Variants in CA2 observed in about 807,000 individuals in gnomAD.
The protein encoded by CA2 is carbonic anhydrase 2, also known as carbonate dehydratase II.
In CA2, 23 loss-of-function variants were observed where a neutral mutation model predicts 27.8. The observed-to-expected ratio is 0.83, with a 90% CI of 0.59 to 1.17. The LOEUF is 1.17. CA2 is among the 50% of genes most tolerant of loss of function. The pLI, the probability that CA2 is intolerant of heterozygous loss-of-function variation, is 0.00. For synonymous variants in CA2, 99 were observed against 114.9 expected (o/e 0.86, Z 0.88); for missense variants, 300 against 314.7 (o/e 0.95, Z 0.35).
chr8:85,479,915 C>G (rs566078936), intron 6 of CA2, among the ~76,000 whole-genome samples: 35 of 152,260 alleles, frequency 2.3e-4, no homozygotes, highest in African/African-American at 8.4e-4. Flanking sequence ...TCACTCAGCC[C>G]ATGGAGCTTA....
At chr8:85,478,550 C>T (rs185056442) in intron 6 of CA2, among the ~76,000 whole-genome samples, 1 of 152,188 alleles carries the variant, frequency 6.6e-6, no homozygotes, top group Admixed American at 6.6e-5. Context: ...GCCATTATAA[C>T]AAATGGATTT....
intron 5 of CA2, among the ~76,000 whole-genome samples, chr8:85,476,087 C>T (rs753335131): frequency 1.3e-5 from 2 of 152,130 alleles, no homozygotes; most frequent in Non-Finnish European, 2.9e-5. Flanking sequence ...ATCTTGCTCC[C>T]CCATCATTTG....
chr8:85,477,399 T>G, intron 6 of CA2, 124 bp downstream of exon 6: 1 of 1,107,138 alleles, frequency 9.0e-7, no homozygotes, highest in South Asian at 1.2e-5. Context: ...GCTATGGAAA[T>G]AGTGCCTTTG....
chr8:85,474,283 T>C (rs757529787), intron 3 of CA2, 41 bp from the exon 4 acceptor site: 8 of 1,374,486 alleles, frequency 5.8e-6, no homozygotes, highest in Admixed American at 1.7e-5. Context: ...CAGCTTTGAT[T>C]ATGTAAATCA....
At chr8:85,469,448 A>G (rs1811682741) in intron 2 of CA2, among the ~76,000 whole-genome samples, 1 of 152,190 alleles carries the variant, frequency 6.6e-6, no homozygotes, top group South Asian at 2.1e-4. Context: ...GGATTTAACT[A>G]GAAACTTGGG....
chr8:85,480,298 G>A (rs1357030095), intron 6 of CA2, among the ~76,000 whole-genome samples: 8 of 152,082 alleles, frequency 5.3e-5, no homozygotes, highest in African/African-American at 1.7e-4. Flanking sequence ...TTGCTCTGTC[G>A]CCTAGGCTGG....
chr8:85,479,439 C>T (rs1275726042), intron 6 of CA2, among the ~76,000 whole-genome samples: 1 of 152,172 alleles, frequency 6.6e-6, no homozygotes, highest in African/African-American at 2.4e-5. Context: ...TGGAAGGTGG[C>T]TCTACGGGGG....
intron 1 of CA2, chr8:85,464,953 G>A (rs1811602784): frequency 6.7e-6 from 2 of 297,046 alleles, no homozygotes; most frequent in East Asian, 1.6e-4. Context: ...ATTAGTGTCT[G>A]CCCGATTTCA....
At chr8:85,472,834 T>C (rs967910750) in intron 2 of CA2, among the ~76,000 whole-genome samples, 2 of 151,482 alleles carry the variant, frequency 1.3e-5, no homozygotes, top group African/African-American at 2.4e-5. Flanking sequence ...CTACTAAAAA[T>C]ACAAAAATTA....
chr8:85,471,479 T>G (rs1811712190), intron 2 of CA2, among the ~76,000 whole-genome samples: 1 of 152,052 alleles, frequency 6.6e-6, no homozygotes, highest in Non-Finnish European at 1.5e-5. Flanking sequence ...AGAAACAAAT[T>G]AAGATGAAAC....
intron 6 of CA2, among the ~76,000 whole-genome samples, chr8:85,480,356 T>A (rs1811869127): frequency 6.6e-6 from 1 of 152,124 alleles, no homozygotes; most frequent in Non-Finnish European, 1.5e-5. Flanking sequence ...CCTCCAGGGT[T>A]TAAATGATTC....
At chr8:85,465,093 A>G (rs944373309) in intron 1 of CA2, among the ~76,000 whole-genome samples, 179 bp from the exon 2 acceptor site, 3 of 152,204 alleles carry the variant, frequency 2.0e-5, no homozygotes, top group African/African-American at 7.2e-5. Context: ...TAATTATCCC[A>G]TATTACAAAT....
At chr8:85,478,331 T>TA (rs1316046614) in intron 6 of CA2, among the ~76,000 whole-genome samples, 1 of 152,330 alleles carries the variant, frequency 6.6e-6, no homozygotes, top group East Asian at 1.9e-4. Flanking sequence ...AAAGTGGGCC[T>TA]AAAAAATAGC....
chr8:85,468,277 G>C lies in CA2; in HGVS notation c.232+2808G>C, dbSNP rs186955695. Among the ~76,000 whole-genome samples, 18 of 152,014 alleles carry C rather than the reference G, an allele frequency of 1.2e-4. No homozygotes were observed. The East Asian group carries it at 3.5e-3, about 29-fold the overall frequency. ...TTAAGAGAGCACAGCATGTGCTCCAGAAAGGCAAGAAGGTATACTAAAAGC... is the reference window on the plus strand; with the variant it reads ...TTAAGAGAGCACAGCATGTGCTCCACAAAGGCAAGAAGGTATACTAAAAGC... On this transcript the variant is annotated intron_variant, in intron 2 of 6. Transcript: ENST00000285379.
chr8:85,480,014 T>A (rs1811863313), intron 6 of CA2, among the ~76,000 whole-genome samples: 1 of 152,148 alleles, frequency 6.6e-6, no homozygotes, highest in Non-Finnish European at 1.5e-5. Context: ...GAACTAAAAT[T>A]GTTATTATTT....
chr8:85,475,980 T>G (rs1811793588), intron 5 of CA2, 120 bp downstream of exon 5: 1 of 774,530 alleles, frequency 1.3e-6, no homozygotes, highest in African/African-American at 1.7e-5. Context: ...GGATGAGCAG[T>G]TAGTAAAGGT....
intron 2 of CA2, among the ~76,000 whole-genome samples, chr8:85,468,836 CTTT>C (rs33943397): frequency 7.2e-4 from 106 of 146,860 alleles, no homozygotes; most frequent in Non-Finnish European, 1.2e-3. Context: ...GACTTTCTTT[CTTT>C]TTTTTTTTTT....
chr8:85,465,158 T>G, intron 1 of CA2, 114 bp from the exon 2 acceptor site: 1 of 807,112 alleles, frequency 1.2e-6, no homozygotes, highest in Admixed American at 2.1e-5. Flanking sequence ...CATTGTTAAG[T>G]GATGCTTCTA....
At position 85,480,684 on chromosome 8, in the gene CA2, TA is replaced by T. The variant is rs779869368; in HGVS notation, c.681del (p.Lys227AsnfsTer13). 30 of 1,613,594 alleles carry T rather than the reference TA, an allele frequency of 1.9e-5. No homozygotes were observed. In the Admixed American group the frequency reaches 2.8e-4, roughly 15 times the overall value. On this transcript the variant is annotated frameshift_variant, in exon 7 of 7. Transcript: ENST00000285379. LOFTEE classifies it low-confidence loss of function (END_TRUNC). ...VSSEQVLKFR[K>X]LNFNGEGEPE... ...GTGTCTTTTAGGTGTTGAAATTCCG[TA>T]AACTTAACTTCAATGGGGAGGGTGA...
Sources: gnomAD v4.1 joint callset for allele counts (sites outside exome capture counted in the v4.1 genomes callset) on GRCh38, gnomAD v4.1.1 for gene constraint, MANE v1.5 for transcripts, NCBI Gene and HGNC (gene_info 2026-07-23, HGNC 2026-07-21) for gene names.